The following ZNF804A variants were observed in gnomAD, a reference collection of about 807,000 sequenced individuals.
ZNF804A encodes zinc finger protein 804A.
In ZNF804A, 2 loss-of-function variants were observed where a neutral mutation model predicts 16.5. The observed-to-expected ratio is 0.12, with a 90% CI of 0.05 to 0.38. ZNF804A has a LOEUF of 0.38. ZNF804A is among the 10% of genes least tolerant of loss of function. ZNF804A has a pLI of 0.99. For synonymous variants in ZNF804A, 534 were observed against 489.6 expected, an observed-to-expected ratio of 1.09 and a Z score of -1.20; for missense variants, 1,473 against 1,390.7, an observed-to-expected ratio of 1.06 and a Z score of -0.94.
At chr2:184,613,835 A>G (rs1304939109) in intron 1 of ZNF804A, among the ~76,000 whole-genome samples, 3 of 152,212 alleles carry the variant, frequency 2.0e-5, no homozygotes, top group Non-Finnish European at 4.4e-5. Flanking sequence ...GGAAGAATCA[A>G]TATCATGAAA....
rs112845360 is a variant in ZNF804A at position 184,836,014 on chromosome 2, T to C, written c.112-30355T>C. ...GACTCATGCAGGCAGATTTAAATCC[T>C]AACTTTGCCACTCACTACCACTGAA... On this transcript the variant is annotated intron_variant, in intron 1 of 3. Transcript: ENST00000302277. Among the ~76,000 whole-genome samples, 1,010 of 152,292 alleles carry C rather than the reference T, an allele frequency of 6.6e-3. 15 individuals are homozygous for C. The highest frequency in any genetic ancestry group is 0.023 in the African/African-American group (937 of 41,572).
chr2:184,900,553 C>T (rs1009975955), intron 2 of ZNF804A, among the ~76,000 whole-genome samples: 2 of 151,960 alleles, frequency 1.3e-5, no homozygotes, highest in African/African-American at 4.8e-5. Context: ...ATAGTTCGAA[C>T]AATTGCTTGC....
intron 1 of ZNF804A, among the ~76,000 whole-genome samples, chr2:184,803,067 C>T (rs1272350861): frequency 6.6e-6 from 1 of 151,948 alleles, no homozygotes; most frequent in African/African-American, 2.4e-5. Flanking sequence ...GTAAACTAAG[C>T]CCTAAATAAA....
chr2:184,936,578 T>A lies in ZNF804A; in HGVS notation c.1182T>A (p.Asn394Lys). The change falls in exon 4 of 4, where the codon AAT becomes AAA. Residue 394 changes from asparagine to lysine, a missense_variant. Transcript: ENST00000302277. ...CCACAACTGAGGTTGAAAATAAAAATGGTCCCGAGACATTGGCCCCTTCAA... is the reference window on the plus strand; with the variant it reads ...CCACAACTGAGGTTGAAAATAAAAAAGGTCCCGAGACATTGGCCCCTTCAA... ...EASTTEVENKNGPETLAPSNT... is the reference protein window; with the variant it reads ...EASTTEVENKKGPETLAPSNT... The A allele has an allele frequency of 6.2e-7, 1 of 1,613,968 alleles. No homozygotes were observed. Among genetic ancestry groups the A allele is most frequent in the Non-Finnish European group, 8.5e-7 (1 of 1,179,924 alleles).
chr2:184,677,320 G>A (rs1176243460), intron 1 of ZNF804A, among the ~76,000 whole-genome samples: 11 of 151,894 alleles, frequency 7.2e-5, no homozygotes, highest in Non-Finnish European at 1.2e-4. Flanking sequence ...GTAATATCTA[G>A]AGGATAAAGA....
At chr2:184,791,451 G>T (rs1316124161) in intron 1 of ZNF804A, among the ~76,000 whole-genome samples, 3 of 152,084 alleles carry the variant, frequency 2.0e-5, no homozygotes, top group East Asian at 1.9e-4. Flanking sequence ...TTCTTGGCTA[G>T]TATTTTTTCT....
chr2:184,823,495 A>G (rs566326376), intron 1 of ZNF804A, among the ~76,000 whole-genome samples: 4 of 152,280 alleles, frequency 2.6e-5, no homozygotes, highest in African/African-American at 7.2e-5. Context: ...CTCACCCAGA[A>G]CTATTGACAT....
chr2:184,650,604 C>A (rs1691966015), intron 1 of ZNF804A, among the ~76,000 whole-genome samples: 1 of 152,118 alleles, frequency 6.6e-6, no homozygotes, highest in Admixed American at 6.6e-5. Context: ...TAAATAACTT[C>A]AGTAAAGTTT....
At chr2:184,875,721 A>T (rs1226157738) in intron 2 of ZNF804A, among the ~76,000 whole-genome samples, 3 of 151,472 alleles carry the variant, frequency 2.0e-5, no homozygotes, top group African/African-American at 7.3e-5. Context: ...TAATTAAAAT[A>T]GTTCTCAGTA....
chr2:184,624,018 G>C (rs187569408), intron 1 of ZNF804A, among the ~76,000 whole-genome samples: 1 of 152,200 alleles, frequency 6.6e-6, no homozygotes, highest in African/African-American at 2.4e-5. Flanking sequence ...AAAATTCTTA[G>C]GTATGTCTGG....
At chr2:184,896,585 T>G (rs1029648575) in intron 2 of ZNF804A, among the ~76,000 whole-genome samples, 1 of 152,118 alleles carries the variant, frequency 6.6e-6, no homozygotes, top group East Asian at 1.9e-4. Context: ...TAATGAAATT[T>G]GACAGGATTG....
intron 1 of ZNF804A, among the ~76,000 whole-genome samples, chr2:184,682,269 C>A (rs371767775): frequency 3.3e-5 from 5 of 152,250 alleles, no homozygotes; most frequent in Admixed American, 2.6e-4. Flanking sequence ...GCACCAGTGG[C>A]CAAAGAGGTT....
At chr2:184,599,114 G>C in intron 1 of ZNF804A, 44 bp downstream of exon 1, 2 of 1,432,560 alleles carry the variant, frequency 1.4e-6, no homozygotes, top group South Asian at 1.2e-5. Flanking sequence ...ATATTTAAGA[G>C]GGCATTTGGA....
intron 1 of ZNF804A, among the ~76,000 whole-genome samples, chr2:184,644,714 G>C (rs1240703406): frequency 1.3e-5 from 2 of 151,950 alleles, no homozygotes; most frequent in African/African-American, 2.4e-5. Context: ...AAGGCATGAA[G>C]AGATAAACAA....
At chr2:184,759,624 G>A (rs1433951446) in intron 1 of ZNF804A, among the ~76,000 whole-genome samples, 1 of 151,968 alleles carries the variant, frequency 6.6e-6, no homozygotes, top group Non-Finnish European at 1.5e-5. Context: ...CTTTAGGAAT[G>A]ATATTATTGT....
Position 184,599,860 on chromosome 2 carries a change from A to G in ZNF804A, c.111+790A>G, listed in dbSNP as rs556802571. On this transcript the variant is annotated intron_variant, in intron 1 of 3. Transcript: ENST00000302277. ...GAGATAGTGCAGGATGATTGCTCCTACTTCTCATCCAAATCCCCCTTTAGC... is the reference window on the plus strand; with the variant it reads ...GAGATAGTGCAGGATGATTGCTCCTGCTTCTCATCCAAATCCCCCTTTAGC... 4.6e-5 allele frequency among the ~76,000 whole-genome samples: 7 copies of G among 152,268 alleles called. No individual in the cohort carries two copies. The East Asian group carries it at 9.7e-4, about 21-fold the overall frequency.
chr2:184,874,730 C>T (rs1696027062), intron 2 of ZNF804A, among the ~76,000 whole-genome samples: 1 of 152,106 alleles, frequency 6.6e-6, no homozygotes, highest in Non-Finnish European at 1.5e-5. Context: ...TCTCTTTTAT[C>T]ATCTGCCCAT....
At chr2:184,808,703 C>A (rs1177633569) in intron 1 of ZNF804A, among the ~76,000 whole-genome samples, 1 of 151,182 alleles carries the variant, frequency 6.6e-6, no homozygotes, top group Non-Finnish European at 1.5e-5. Context: ...AAAATGCAAA[C>A]CCTAAATATT....
chr2:184,892,044 T>A (rs143315769), intron 2 of ZNF804A, among the ~76,000 whole-genome samples: 2 of 152,340 alleles, frequency 1.3e-5, no homozygotes, highest in East Asian at 3.9e-4. Flanking sequence ...AGTTTACTAC[T>A]GAATTCTTTA....
Sources: gnomAD v4.1 joint callset for allele counts (sites outside exome capture counted in the v4.1 genomes callset) on GRCh38, gnomAD v4.1.1 for gene constraint, MANE v1.5 for transcripts, NCBI Gene and HGNC (gene_info 2026-07-23, HGNC 2026-07-21) for gene names.